Variants in EDIL3 observed in about 807,000 individuals in gnomAD.
EDIL3 encodes the protein EGF like and discoidin domains 3.
EDIL3 carries 37 observed loss-of-function variants against 67.4 expected under a neutral mutation model. The observed-to-expected ratio is 0.55, with a 90% CI of 0.42 to 0.72. The LOEUF (loss-of-function observed/expected upper bound fraction) is 0.72. Ranked by LOEUF, EDIL3 falls within the 30% of genes least tolerant of loss-of-function variation. The pLI is 0.00. For synonymous variants in EDIL3, 195 were observed against 196.3 expected, an observed-to-expected ratio of 0.99 and a Z score of 0.05; for missense variants, 527 against 586.3, an observed-to-expected ratio of 0.90 and a Z score of 1.04.
chr5:84,126,242 A>C (rs895735030), intron 5 of EDIL3, among the ~76,000 whole-genome samples: 1 of 152,102 alleles, frequency 6.6e-6, no homozygotes, highest in African/African-American at 2.4e-5. Context: ...ATTCAATGAA[A>C]ATGGCTCATT....
chr5:84,307,535 T>A (rs1746296686), intron 1 of EDIL3, among the ~76,000 whole-genome samples: 1 of 151,976 alleles, frequency 6.6e-6, no homozygotes, highest in Non-Finnish European at 1.5e-5. Context: ...AAGAGAAAAA[T>A]AACTTGTCAA....
At chr5:84,097,644 G>A (rs1349929089) in intron 6 of EDIL3, among the ~76,000 whole-genome samples, 1 of 152,026 alleles carries the variant, frequency 6.6e-6, no homozygotes, top group Non-Finnish European at 1.5e-5. Context: ...ATAGAGTGTA[G>A]AGTACACATT....
chr5:84,332,857 GT>G (rs1746902895), intron 1 of EDIL3, among the ~76,000 whole-genome samples: 1 of 152,108 alleles, frequency 6.6e-6, no homozygotes. Context: ...ATCATAATAG[GT>G]CCCCACTTGA....
chr5:84,330,698 G>A (rs1746853619), intron 1 of EDIL3, among the ~76,000 whole-genome samples: 1 of 152,082 alleles, frequency 6.6e-6, no homozygotes, highest in Admixed American at 6.6e-5. Context: ...TAAGTAGATA[G>A]GGTCACTAAG....
intron 5 of EDIL3, among the ~76,000 whole-genome samples, chr5:84,136,676 C>G (rs1021076063): frequency 2.0e-4 from 31 of 152,100 alleles, no homozygotes; most frequent in African/African-American, 6.5e-4. Flanking sequence ...TTATTTATAA[C>G]AGAGGCTAAC....
intron 4 of EDIL3, among the ~76,000 whole-genome samples, chr5:84,157,641 C>T (rs912231025): frequency 4.3e-4 from 65 of 152,042 alleles, no homozygotes; most frequent in African/African-American, 1.5e-3. Context: ...TTTCCATTTG[C>T]CCACATAAAA....
intron 5 of EDIL3, among the ~76,000 whole-genome samples, chr5:84,132,503 T>C (rs1158474623): frequency 1.2e-5 from 1 of 85,190 alleles, no homozygotes; most frequent in Non-Finnish European, 2.3e-5. Context: ...ATATATTTTA[T>C]ATATAATATA....
intron 9 of EDIL3, among the ~76,000 whole-genome samples, chr5:84,038,526 A>C (rs549290309): frequency 6.6e-6 from 1 of 152,338 alleles, no homozygotes; most frequent in Non-Finnish European, 1.5e-5. Context: ...CAGATGCCTG[A>C]CTATGTATTT....
chr5:83,941,658 A>T lies in EDIL3; in HGVS notation c.*1761T>A, dbSNP rs1253056591. ...AAGTTATCTAAAAAAGGCAATATGG[A>T]GGAAATAGTAATTTTGTTTTTGAAA... On this transcript the variant is annotated 3_prime_UTR_variant, in exon 11 of 11. Coordinates refer to ENST00000296591, the MANE Select transcript of EDIL3 (RefSeq NM_005711.5). 1 of 151,996 alleles carries T rather than the reference A, an allele frequency of 6.6e-6. No homozygotes were observed. The highest frequency in any genetic ancestry group is 1.5e-5 in the Non-Finnish European group (1 of 67,914). The allele number at this position is 151,996 out of a possible 1,614,324, so 9.4% of individuals were successfully genotyped here. A position where few individuals can be genotyped will look rare whatever the true frequency, so the allele number is the denominator to read the frequency against.
At chr5:84,374,615 G>A (rs1482539885) in intron 1 of EDIL3, among the ~76,000 whole-genome samples, 2 of 152,266 alleles carry the variant, frequency 1.3e-5, no homozygotes, top group East Asian at 3.9e-4. Flanking sequence ...ATATGATATG[G>A]TTTGGCTCTG....
chr5:84,312,316 G>A lies in EDIL3; in HGVS notation c.68-58104C>T, dbSNP rs577207929. Among the ~76,000 whole-genome samples the A allele has an allele frequency of 2.3e-4, 32 of 140,758 alleles. 3 individuals carry two copies. The highest frequency in any genetic ancestry group is 7.6e-4 in the African/African-American group (28 of 37,014). 92.3% of individuals were successfully genotyped at this position (140,758 alleles called of 152,430 possible). A position where few individuals can be genotyped will look rare whatever the true frequency, so the allele number is the denominator to read the frequency against. On this transcript the variant is annotated intron_variant, in intron 1 of 10. Transcript: ENST00000296591. ...CCCCCACCTCCCTCCCCGACGGGGC[G>A]GCTGGCCGGGTGGGGGGCTGACCCC...
At chr5:84,311,593 G>T (rs1334204537) in intron 1 of EDIL3, among the ~76,000 whole-genome samples, 2 of 151,386 alleles carry the variant, frequency 1.3e-5, no homozygotes, top group Non-Finnish European at 2.9e-5. Context: ...ATCATTCTTG[G>T]GTGTTTCTCA....
intron 3 of EDIL3, among the ~76,000 whole-genome samples, chr5:84,206,397 G>T (rs1743980288): frequency 6.6e-6 from 1 of 152,034 alleles, no homozygotes; most frequent in South Asian, 2.1e-4. Context: ...CTGTTGATTT[G>T]GGGTGGAGAG....
chr5:84,290,508 A>G (rs1382584213), intron 1 of EDIL3, among the ~76,000 whole-genome samples: 2 of 152,194 alleles, frequency 1.3e-5, no homozygotes, highest in African/African-American at 4.8e-5. Flanking sequence ...CCACTTTGGC[A>G]TAAGGCATTT....
chr5:84,044,535 TAGATC>T (rs1296325744), intron 9 of EDIL3, among the ~76,000 whole-genome samples: 10 of 152,156 alleles, frequency 6.6e-5, no homozygotes, highest in Non-Finnish European at 1.3e-4. Flanking sequence ...TTTTCCTAAT[TAGATC>T]AGTTCAAAAT....
chr5:84,006,096 A>G (rs1033535285), intron 9 of EDIL3, among the ~76,000 whole-genome samples: 3 of 149,234 alleles, frequency 2.0e-5, no homozygotes, highest in Non-Finnish European at 4.5e-5. Context: ...AATAATAATA[A>G]TAATAATAAT....
intron 1 of EDIL3, among the ~76,000 whole-genome samples, chr5:84,262,659 G>GTTTTTTTTTTTTTT (rs773035274): frequency 0.01 from 472 of 46,316 alleles, 137 homozygotes; most frequent in African/African-American, 0.016. Context: ...AGGTTGGTTG[G>GTTTTTTTTTTTTTT]TTTTTTTTTT....
intron 5 of EDIL3, among the ~76,000 whole-genome samples, chr5:84,132,843 A>G (rs1000486650): frequency 2.6e-5 from 4 of 151,716 alleles, no homozygotes; most frequent in African/African-American, 9.7e-5. Flanking sequence ...GATAATTATG[A>G]TATTTGGAAA....
chr5:84,023,284 AAG>A (rs1360837774), intron 9 of EDIL3, among the ~76,000 whole-genome samples: 2 of 151,976 alleles, frequency 1.3e-5, no homozygotes, highest in Non-Finnish European at 2.9e-5. Context: ...GCAAACAAAA[AAG>A]AGATGACTGA....
Sources: gnomAD v4.1 joint callset for allele counts (sites outside exome capture counted in the v4.1 genomes callset) on GRCh38, gnomAD v4.1.1 for gene constraint, MANE v1.5 for transcripts, NCBI Gene and HGNC (gene_info 2026-07-23, HGNC 2026-07-21) for gene names.